FAM13B: variants seen among roughly 807,000 people sequenced by gnomAD.
FAM13B encodes family with sequence similarity 13 member B.
FAM13B carries 60 observed loss-of-function variants against 117.3 expected under a neutral mutation model. That is an observed-to-expected ratio of 0.51 (90% CI 0.42 to 0.63). FAM13B has a LOEUF of 0.63. Ranked by LOEUF, FAM13B falls within the 30% of genes least tolerant of loss-of-function variation. FAM13B has a pLI of 0.00. For synonymous variants in FAM13B, 332 were observed against 356.1 expected (o/e 0.93, Z 0.76); for missense variants, 972 against 1,091.9 (o/e 0.89, Z 1.55).
At chr5:137,961,093 GCT>G (rs1767988010) in intron 11 of FAM13B, among the ~76,000 whole-genome samples, 1 of 152,162 alleles carries the variant, frequency 6.6e-6, no homozygotes, top group Non-Finnish European at 1.5e-5. Context: ...TGAACTAAAT[GCT>G]CTGTTAAGCT....
At chr5:137,974,628 G>GA (rs35483508) in intron 10 of FAM13B, among the ~76,000 whole-genome samples, 16,176 of 96,378 alleles carry the variant, frequency 0.17, 1,411 homozygotes, top group East Asian at 0.42. Flanking sequence ...ATAAAAAAAA[G>GA]AAAAAAAAAG....
intron 7 of FAM13B, among the ~76,000 whole-genome samples, chr5:138,005,385 A>G (rs970655902): frequency 6.6e-6 from 1 of 152,202 alleles, no homozygotes; most frequent in African/African-American, 2.4e-5. Flanking sequence ...CAAAAGCCAG[A>G]GAAAGGTTCA....
chr5:138,021,319 T>C (rs1786649501), intron 1 of FAM13B, 122 bp from the exon 2 acceptor site: 1 of 796,532 alleles, frequency 1.3e-6, no homozygotes, highest in Admixed American at 4.3e-5. Flanking sequence ...TTCTTCTGTC[T>C]GAAAAATCTA....
chr5:137,975,000 C>T (rs1010940636), intron 10 of FAM13B, among the ~76,000 whole-genome samples: 6 of 152,010 alleles, frequency 3.9e-5, no homozygotes, highest in South Asian at 2.1e-4. Flanking sequence ...TCATTTCTTA[C>T]GGTTTTTTCT....
intron 1 of FAM13B, among the ~76,000 whole-genome samples, chr5:138,047,178 T>C (rs907158602): frequency 1.3e-5 from 2 of 151,994 alleles, no homozygotes; most frequent in Admixed American, 6.6e-5. Context: ...TACATAAAGA[T>C]GGCTAGTGTA....
chr5:137,968,837 A>G (rs1392559643), intron 10 of FAM13B, among the ~76,000 whole-genome samples: 3 of 152,170 alleles, frequency 2.0e-5, no homozygotes, highest in African/African-American at 7.2e-5. Flanking sequence ...CTAGTCAAAG[A>G]AAGTGGTGAC....
chr5:137,981,617 C>T (rs1481690971), intron 10 of FAM13B, among the ~76,000 whole-genome samples: 5 of 152,074 alleles, frequency 3.3e-5, no homozygotes, highest in Non-Finnish European at 7.4e-5. Flanking sequence ...GAAACCCCGT[C>T]TCTACTAAAA....
At chr5:137,961,990 G>A (rs1221243847) in intron 11 of FAM13B, among the ~76,000 whole-genome samples, 1 of 152,098 alleles carries the variant, frequency 6.6e-6, no homozygotes, top group East Asian at 1.9e-4. Context: ...ACACACCAAG[G>A]ATAAATTCAA....
chr5:137,938,034 TGGA>T lies in FAM13B; in HGVS notation c.*2188_*2190del, dbSNP rs1402902203. 9.2e-5 allele frequency: 14 copies of T among 152,162 alleles called. No individual in the cohort carries two copies. The highest frequency in any genetic ancestry group is 1.6e-4 in the Non-Finnish European group (11 of 68,032). 9.4% of individuals were successfully genotyped at this position (152,162 alleles called of 1,614,324 possible). ...AGACACAGCAATGCCATTATACTGG[TGGA>T]CATATATATCTATATATTATTTGTA... is the stretch of plus-strand genomic sequence containing the variant. On this transcript the variant is annotated 3_prime_UTR_variant, in exon 24 of 24. Coordinates refer to ENST00000689681, the MANE Select transcript of FAM13B (RefSeq NM_001385994.1).
chr5:138,048,954 T>TC (rs1445626537), intron 1 of FAM13B, among the ~76,000 whole-genome samples: 2 of 150,406 alleles, frequency 1.3e-5, no homozygotes, highest in Non-Finnish European at 3.0e-5. Flanking sequence ...TTTTTTTTTT[T>TC]TTTTTTTAAG....
chr5:137,962,976 T>TC (rs1215854013), intron 10 of FAM13B, among the ~76,000 whole-genome samples: 7 of 151,586 alleles, frequency 4.6e-5, no homozygotes, highest in Non-Finnish European at 5.9e-5. Flanking sequence ...TCATCCCTAT[T>TC]CCCCCCCAAA....
At chr5:137,942,794 TA>T in intron 22 of FAM13B, 80 bp downstream of exon 22, 1 of 1,256,710 alleles carries the variant, frequency 8.0e-7, no homozygotes, top group Non-Finnish European at 1.1e-6. Flanking sequence ...ATTAATTCCT[TA>T]ATACTCATTT....
intron 1 of FAM13B, among the ~76,000 whole-genome samples, chr5:138,028,381 C>A (rs1228775385): frequency 6.6e-6 from 1 of 152,086 alleles, no homozygotes; most frequent in Non-Finnish European, 1.5e-5. Context: ...AACTACAATA[C>A]ACTTCATTTT....
chr5:137,949,112 C>T lies in FAM13B; in HGVS notation c.2003G>A (p.Ser668Asn). 1.2e-6 allele frequency: 2 copies of T among 1,614,072 alleles called. No homozygotes were observed. Among genetic ancestry groups the T allele is most frequent in the Non-Finnish European group, 1.7e-6 (2 of 1,180,014 alleles). The change falls in exon 18 of 24, where the codon AGC (serine) becomes AAC (asparagine). Residue 668 changes from serine to asparagine, a missense_variant. Transcript: ENST00000689681. Reference protein sequence around the residue: ...TRPRSNTLPKSFGSSLDHEDE... With the variant: ...TRPRSNTLPKNFGSSLDHEDE... ...TTCATGGTCTAGAGAAGAGCCAAAGCTTTTTGGAAGTGTGTTACTACGTGG... is the reference window on the plus strand; with the variant it reads ...TTCATGGTCTAGAGAAGAGCCAAAGTTTTTTGGAAGTGTGTTACTACGTGG...
chr5:138,012,675 T>C (rs1784338205), intron 4 of FAM13B, among the ~76,000 whole-genome samples: 2 of 152,154 alleles, frequency 1.3e-5, no homozygotes, highest in African/African-American at 4.8e-5. Flanking sequence ...AGGATCCCAT[T>C]TGGGAGAAAT....
intron 10 of FAM13B, among the ~76,000 whole-genome samples, chr5:137,969,691 C>A (rs1483590336): frequency 2.0e-5 from 3 of 151,990 alleles, no homozygotes; most frequent in Non-Finnish European, 2.9e-5. Flanking sequence ...AAACCAAAGG[C>A]AAAGAAGTTG....
In FAM13B at chr5:138,005,968, G is replaced by A. The variant is rs574208250; in HGVS notation, c.848+1022C>T. ...GGCTGGAGTGCAGTGGCGCGATCTC[G>A]ACTCACTGCAAGCTCCGCCTCCCGG... On this transcript the variant is annotated intron_variant, in intron 7 of 23. Transcript: ENST00000689681. Among the ~76,000 whole-genome samples the A allele has an allele frequency of 1.0e-4, 15 of 150,022 alleles. No individual in the cohort carries two copies. In the East Asian group the frequency reaches 1.8e-3, roughly 18 times the overall value.
upstream of FAM13B, chr5:138,036,847 GTTTTTTTTTAAAC>G (rs1054201386): frequency 4.0e-5 from 13 of 324,230 alleles, no homozygotes; most frequent in African/African-American, 2.8e-4. Flanking sequence ...GACATTTTTG[GTTTTTTTTTAAAC>G]TTTTTTTTTC....
chr5:138,016,925 C>T (rs967430777), intron 4 of FAM13B, among the ~76,000 whole-genome samples: 3 of 151,952 alleles, frequency 2.0e-5, no homozygotes, highest in East Asian at 1.9e-4. Flanking sequence ...ATATTGGTTT[C>T]GGTTCATATT....
Sources: allele counts gnomAD v4.1 joint callset (sites outside exome capture counted in the v4.1 genomes callset), GRCh38; gene constraint gnomAD v4.1.1; transcripts MANE v1.5; gene names NCBI Gene and HGNC (gene_info 2026-07-23, HGNC 2026-07-21).